COQ8B: variants seen among roughly 807,000 people sequenced by gnomAD.
The protein encoded by COQ8B is coenzyme Q8B.
In COQ8B, 44 loss-of-function variants were observed where a neutral mutation model predicts 62.0. The observed-to-expected ratio is 0.71, with a 90% CI of 0.56 to 0.91. COQ8B has a LOEUF of 0.91. Among genes scored for constraint, COQ8B ranks in the 40% least tolerant of loss-of-function variants. The pLI is 0.00. For synonymous variants in COQ8B, 252 were observed against 289.9 expected, an observed-to-expected ratio of 0.87 and a Z score of 1.33; for missense variants, 649 against 731.6, an observed-to-expected ratio of 0.89 and a Z score of 1.30.
rs527564529 is a variant in COQ8B at position 40,716,868 on chromosome 19, G to A, written c.-285C>T. 22 of 230,956 alleles carry A rather than the reference G, an allele frequency of 9.5e-5. No individual in the cohort carries two copies. In the South Asian group the frequency reaches 3.8e-3, roughly 40 times the overall value. The allele number at this position is 230,956 out of a possible 1,614,324, so 14.3% of individuals were successfully genotyped here. ...CGGTGCCCTAGATGCATACCTGGCC[G>A]CGCTTCGGATGCTCAGAGGCAAACC... On this transcript the variant is annotated 5_prime_UTR_variant, in exon 1 of 15. Coordinates refer to ENST00000324464, the MANE Select transcript of COQ8B (RefSeq NM_024876.4).
intron 14 of COQ8B, 44 bp from the exon 15 acceptor site, chr19:40,692,417 C>T (rs2081979840): frequency 6.4e-7 from 1 of 1,568,676 alleles, no homozygotes; most frequent in African/African-American, 1.4e-5. Context: ...CCAGTGTGGA[C>T]ATAGAGCCCT....
intron 7 of COQ8B, chr19:40,704,527 T>C (rs1288775469): frequency 6.5e-6 from 1 of 153,206 alleles, no homozygotes; most frequent in Non-Finnish European, 1.5e-5. Context: ...AAATTTACAA[T>C]GGGCTTCCTG....
intron 7 of COQ8B, 72 bp downstream of exon 7, chr19:40,705,024 G>T: frequency 7.1e-7 from 1 of 1,411,518 alleles, no homozygotes; most frequent in Non-Finnish European, 9.6e-7. Flanking sequence ...GGGCAGTGAA[G>T]CCAGGAAGGT....
intron 13 of COQ8B, among the ~76,000 whole-genome samples, chr19:40,693,879 C>T (rs1033899589): frequency 6.6e-6 from 1 of 152,116 alleles, no homozygotes; most frequent in African/African-American, 2.4e-5. Flanking sequence ...AACCGGGTCA[C>T]ACCACTCACT....
chr19:40,700,659 T>C (rs2078699391), intron 10 of COQ8B: 3 of 598,390 alleles, frequency 5.0e-6, no homozygotes, highest in Non-Finnish European at 8.6e-6. Context: ...GTGCCTACTC[T>C]GCACCTGCCT....
intron 5 of COQ8B, chr19:40,708,289 T>G (rs968930571): frequency 6.6e-6 from 1 of 151,884 alleles, no homozygotes; most frequent in Non-Finnish European, 1.5e-5. Flanking sequence ...AGTTCAAAGC[T>G]GCAGTGAGCC....
chr19:40,694,643 C>T (rs1360315008), intron 13 of COQ8B, among the ~76,000 whole-genome samples: 4 of 152,190 alleles, frequency 2.6e-5, no homozygotes, highest in Non-Finnish European at 5.9e-5. Context: ...TGCACAGGAT[C>T]ACCAGGCTTC....
chr19:40,708,114 TTC>T (rs1487785825), intron 5 of COQ8B: 1 of 152,222 alleles, frequency 6.6e-6, no homozygotes, highest in Non-Finnish European at 1.5e-5. Flanking sequence ...CGTGCTAATT[TTC>T]TCTGTCTCAT....
chr19:40,692,266 G>T lies in COQ8B; in HGVS notation c.1404C>A (p.Asp468Glu). 1 of 1,613,534 alleles carries T rather than the reference G, an allele frequency of 6.2e-7. No homozygotes were observed. Among genetic ancestry groups the T allele is most frequent in the South Asian group, 1.1e-5 (1 of 91,036 alleles). Residue 468 changes from aspartate to glutamate, a missense_variant, in exon 15 of 15, where the codon GAC becomes GAA. Coordinates refer to ENST00000324464, the MANE Select transcript of COQ8B (RefSeq NM_024876.4). ...GGTGCCGCAGCAGCACCGGGATGAGGTCCTGTATGCGGCGGGCCGTTTCCC... is the reference window on the plus strand; with the variant it reads ...GGTGCCGCAGCAGCACCGGGATGAGTTCCTGTATGCGGCGGGCCGTTTCCC... ...GSGETARRIQ[D>E]LIPVLLRHRL...
At chr19:40,711,435 G>C (rs1277743221) in intron 4 of COQ8B, among the ~76,000 whole-genome samples, 1 of 152,086 alleles carries the variant, frequency 6.6e-6, no homozygotes, top group Non-Finnish European at 1.5e-5. Context: ...TGTTGCCCAG[G>C]CTGGTCTGGA....
intron 9 of COQ8B, 84 bp from the exon 10 acceptor site, chr19:40,702,777 C>T: frequency 1.5e-6 from 2 of 1,294,980 alleles, no homozygotes; most frequent in Non-Finnish European, 2.2e-6. Flanking sequence ...TCTCTCCTGT[C>T]TCCCGCGCTG....
At chr19:40,710,527 G>A (rs551150564) in intron 4 of COQ8B, among the ~76,000 whole-genome samples, 1 of 152,158 alleles carries the variant, frequency 6.6e-6, no homozygotes, top group South Asian at 2.1e-4. Flanking sequence ...TGGGATTATA[G>A]GCATGAGACA....
chr19:40,714,784 C>A (rs1013088704), intron 1 of COQ8B, 149 bp from the exon 2 acceptor site: 1 of 1,322,538 alleles, frequency 7.6e-7, no homozygotes, highest in Non-Finnish European at 9.9e-7. Flanking sequence ...TCCTGGTTCT[C>A]CCCTGGTTGC....
chr19:40,698,277 ACAT>A (rs1284086961), intron 12 of COQ8B, among the ~76,000 whole-genome samples: 3 of 150,350 alleles, frequency 2.0e-5, no homozygotes, highest in African/African-American at 7.4e-5. Context: ...TGACATACTG[ACAT>A]CATCTATTCC....
At chr19:40,703,340 T>C in intron 9 of COQ8B, 1 of 583,772 alleles carries the variant, frequency 1.7e-6, no homozygotes, top group Non-Finnish European at 3.0e-6. Flanking sequence ...TCTAAGGCTC[T>C]GTTAAAATCC....
Position 40,700,352 on chromosome 19 carries a change from G to T in COQ8B, c.993C>A (p.Pro331=), listed in dbSNP as rs1264076108. Residue 331 remains proline, a synonymous_variant, in exon 11 of 15, where the codon CCC becomes CCA. Transcript: ENST00000324464. ...VLGMELAGGV[P]LDQCQGLSQD... is the part of the protein sequence containing the mutation. Reference sequence around the variant, plus strand: ...GGCTTAGGCCCTGGCACTGGTCCAGGGGGACCCCTCCAGCCAGCTCCATGC... The same window carrying T: ...GGCTTAGGCCCTGGCACTGGTCCAGTGGGACCCCTCCAGCCAGCTCCATGC... 6.2e-7 allele frequency: 1 copy of T among 1,614,194 alleles called. No homozygotes were observed. The highest frequency in any genetic ancestry group is 1.1e-5 in the South Asian group (1 of 91,088).
Position 40,713,989 on chromosome 19 carries a change from T to A in COQ8B, c.289+78A>T. On this transcript the variant is annotated intron_variant, in intron 4 of 14. Transcript: ENST00000324464. ...CTCTCTCTTTCCTGTCTCTGATTCA[T>A]CCTCTCCCTTGCTTCAATCTGTAAA... is the stretch of plus-strand genomic sequence containing the variant. 2.0e-6 allele frequency: 3 copies of A among 1,475,218 alleles called. No homozygotes were observed. The South Asian group carries it at 3.5e-5, about 17-fold the overall frequency. 91.4% of individuals were successfully genotyped at this position (1,475,218 alleles called of 1,614,324 possible).
At position 40,692,190 on chromosome 19, in the gene COQ8B, C is replaced by T. The variant is rs1243581377; in HGVS notation, c.1480G>A (p.Gly494Arg). The stretch of plus-strand genomic sequence containing the variant: ...AGGTGGGCACAGGCCAGGAAAGCCC[C>T]TGCCAGCTTGCGGTGCAGGGCATAG... ...ETYALHRKLA[G>R]AFLACAHLRA... The change falls in exon 15 of 15, where the codon GGG becomes AGG. Residue 494 changes from glycine to arginine, a missense_variant. Coordinates refer to ENST00000324464, the MANE Select transcript of COQ8B (RefSeq NM_024876.4). 2.5e-6 allele frequency: 4 copies of T among 1,597,286 alleles called. No individual in the cohort carries two copies. Among genetic ancestry groups the T allele is most frequent in the African/African-American group, 1.3e-5 (1 of 74,512 alleles).
At chr19:40,694,573 C>T (rs1437124119) in intron 13 of COQ8B, among the ~76,000 whole-genome samples, 2 of 152,174 alleles carry the variant, frequency 1.3e-5, no homozygotes, top group Non-Finnish European at 2.9e-5. Flanking sequence ...GCCCTGGCCT[C>T]ACATGGGTGC....
Sources: gnomAD v4.1 joint callset for allele counts (sites outside exome capture counted in the v4.1 genomes callset) on GRCh38, gnomAD v4.1.1 for gene constraint, MANE v1.5 for transcripts, NCBI Gene and HGNC (gene_info 2026-07-23, HGNC 2026-07-21) for gene names.